NOL4: variants seen among roughly 807,000 people sequenced by gnomAD.
NOL4 encodes cancer/testis antigen 125.
A neutral mutation model predicts 75.9 loss-of-function variants in NOL4; 17 were observed. That is an observed-to-expected ratio of 0.22 (90% confidence interval 0.15 to 0.34). The LOEUF is 0.34. Ranked by LOEUF, NOL4 falls within the 10% of genes least tolerant of loss-of-function variation. The pLI is 1.00. For synonymous variants in NOL4, 292 were observed against 289.9 expected (o/e 1.01, Z -0.07); for missense variants, 614 against 793.5 (o/e 0.77, Z 2.72).
intron 10 of NOL4, among the ~76,000 whole-genome samples, chr18:33,872,493 A>C (rs140998199): frequency 2.4e-3 from 364 of 152,126 alleles, no homozygotes; most frequent in African/African-American, 7.9e-3. Flanking sequence ...ATATATGATA[A>C]ATGATTAAAT....
intron 1 of NOL4, among the ~76,000 whole-genome samples, chr18:34,144,366 C>T (rs564142405): frequency 8.5e-5 from 13 of 152,070 alleles, no homozygotes; most frequent in Middle Eastern, 6.8e-3. Flanking sequence ...AATTCAGTGA[C>T]GATTTTATAG....
intron 9 of NOL4, among the ~76,000 whole-genome samples, chr18:33,886,557 G>C (rs2064669876): frequency 6.7e-6 from 1 of 149,878 alleles, no homozygotes; most frequent in Non-Finnish European, 1.5e-5. Flanking sequence ...AAGAAATAAT[G>C]AACTATTAAC....
chr18:34,178,016 T>A (rs2033701870), intron 1 of NOL4, among the ~76,000 whole-genome samples: 1 of 151,936 alleles, frequency 6.6e-6, no homozygotes, highest in East Asian at 1.9e-4. Context: ...TTTTCCTACC[T>A]AGCTTAAAAG....
intron 10 of NOL4, among the ~76,000 whole-genome samples, chr18:33,879,756 T>C (rs934222774): frequency 6.6e-5 from 10 of 151,968 alleles, no homozygotes; most frequent in Admixed American, 6.6e-4. Flanking sequence ...CAGTCAGCCA[T>C]GTATTGCTGG....
chr18:34,060,125 T>C (rs1235892488), intron 5 of NOL4, among the ~76,000 whole-genome samples: 1 of 152,216 alleles, frequency 6.6e-6, no homozygotes. Context: ...TTTGGATGGT[T>C]ATTTTTAATT....
At chr18:33,880,619 GC>G (rs1335429263) in intron 10 of NOL4, among the ~76,000 whole-genome samples, 1 of 151,946 alleles carries the variant, frequency 6.6e-6, no homozygotes, top group East Asian at 1.9e-4. Flanking sequence ...GGAGACCCAT[GC>G]GTCCTTTCCA....
chr18:34,112,881 T>C (rs538533913), intron 2 of NOL4, among the ~76,000 whole-genome samples: 2 of 152,340 alleles, frequency 1.3e-5, no homozygotes, highest in South Asian at 4.1e-4. Context: ...AAATGGTTAC[T>C]ATATGAGGTG....
At chr18:34,030,217 TTAATCTCTACTCA>T (rs2075566918) in intron 5 of NOL4, among the ~76,000 whole-genome samples, 1 of 152,198 alleles carries the variant, frequency 6.6e-6, no homozygotes, top group African/African-American at 2.4e-5. Flanking sequence ...GCCATAAATG[TTAATCTCTACTCA>T]TTTTTAAAGG....
In NOL4 at chr18:34,010,336, G is replaced by A. The variant is rs897718366; in HGVS notation, c.1056+8982C>T. 1.9e-4 allele frequency among the ~76,000 whole-genome samples: 29 copies of A among 151,684 alleles called. 1 individual carries two copies. Among genetic ancestry groups the A allele is most frequent in the Admixed American group, 7.3e-4 (11 of 15,164 alleles). ...GTGTTGTTACAAATGACAGAATTTC[G>A]TTATTTTTACGGCTGAATAGTATTC... On this transcript the variant is annotated intron_variant, in intron 6 of 10. Transcript: ENST00000261592.
intron 1 of NOL4, among the ~76,000 whole-genome samples, chr18:34,174,249 C>T (rs999662610): frequency 1.3e-5 from 2 of 152,046 alleles, no homozygotes; most frequent in African/African-American, 2.4e-5. Context: ...AAATCCAGGG[C>T]ACAGAAGTAA....
At chr18:33,860,058 T>C (rs1002279222) in intron 10 of NOL4, among the ~76,000 whole-genome samples, 1 of 152,118 alleles carries the variant, frequency 6.6e-6, no homozygotes, top group African/African-American at 2.4e-5. Flanking sequence ...AGCAGGCATA[T>C]CTTACAAGGT....
intron 1 of NOL4, among the ~76,000 whole-genome samples, chr18:34,147,498 G>A: frequency 6.6e-6 from 1 of 152,060 alleles, no homozygotes; most frequent in East Asian, 1.9e-4. Flanking sequence ...CATTGGTTCT[G>A]TTTATGTGAT....
chr18:34,080,021 TG>T (rs2077929669), intron 5 of NOL4, among the ~76,000 whole-genome samples: 1 of 152,234 alleles, frequency 6.6e-6, no homozygotes, highest in Admixed American at 6.5e-5. Context: ...TAAAAGGCAT[TG>T]AAAAACAAAG....
intron 9 of NOL4, among the ~76,000 whole-genome samples, chr18:33,884,046 G>C (rs2064481688): frequency 6.6e-6 from 1 of 152,082 alleles, no homozygotes; most frequent in Admixed American, 6.6e-5. Context: ...CAACCATGTG[G>C]ATGTGGCTGA....
At chr18:34,217,784 G>C (rs999293681) in intron 1 of NOL4, among the ~76,000 whole-genome samples, 1 of 151,806 alleles carries the variant, frequency 6.6e-6, no homozygotes, top group Non-Finnish European at 1.5e-5. Flanking sequence ...ATATATGTGT[G>C]CATATGCATA....
intron 6 of NOL4, among the ~76,000 whole-genome samples, chr18:34,000,075 T>C (rs2073587307): frequency 6.6e-6 from 1 of 152,150 alleles, no homozygotes. Flanking sequence ...ATTTCTAAAA[T>C]GGAGGATATT....
At chr18:34,192,178 TA>T (rs1423528999) in intron 1 of NOL4, among the ~76,000 whole-genome samples, 1 of 152,294 alleles carries the variant, frequency 6.6e-6, no homozygotes, top group East Asian at 1.9e-4. Flanking sequence ...CTTTGAGATT[TA>T]CTGCTTCTTT....
intron 9 of NOL4, among the ~76,000 whole-genome samples, chr18:33,921,275 G>A (rs927299276): frequency 6.6e-6 from 1 of 152,164 alleles, no homozygotes; most frequent in Non-Finnish European, 1.5e-5. Context: ...AATATTTTTA[G>A]AGGAGATTGG....
At chr18:34,018,976 A>G (rs1462718672) in intron 6 of NOL4, among the ~76,000 whole-genome samples, 1 of 152,146 alleles carries the variant, frequency 6.6e-6, no homozygotes, top group African/African-American at 2.4e-5. Context: ...ATCCTTTTAT[A>G]GTAGAAAATT....
Sources: gnomAD v4.1 joint callset for allele counts (sites outside exome capture counted in the v4.1 genomes callset) on GRCh38, gnomAD v4.1.1 for gene constraint, MANE v1.5 for transcripts, NCBI Gene and HGNC (gene_info 2026-07-23, HGNC 2026-07-21) for gene names.